The following RAB28 variants were observed in gnomAD, a reference collection of about 807,000 sequenced individuals.
RAB28 encodes the protein ras-related protein Rab-28.
A neutral mutation model predicts 31.7 loss-of-function variants in RAB28; 24 were observed. That is an observed-to-expected ratio of 0.76 (90% CI 0.55 to 1.06). The LOEUF (loss-of-function observed/expected upper bound fraction) is 1.06. RAB28 is among the 50% of genes least tolerant of loss of function. The probability of loss-of-function intolerance (pLI) is 0.00; values close to 1 mark genes in which losing one functional copy is unlikely to be tolerated. For missense variants in RAB28, 254 were observed against 258.5 expected (o/e 0.98, Z 0.12); for synonymous variants, 100 against 90.4 (o/e 1.11, Z -0.60).
At chr4:13,387,757 A>C (rs1040263845) in intron 4 of RAB28, among the ~76,000 whole-genome samples, 12 of 152,090 alleles carry the variant, frequency 7.9e-5, no homozygotes, top group African/African-American at 2.9e-4. Flanking sequence ...TTTCAAAAAA[A>C]ATTTTATTTG....
At chr4:13,417,999 T>C (rs1245841257) in intron 4 of RAB28, among the ~76,000 whole-genome samples, 1 of 152,006 alleles carries the variant, frequency 6.6e-6, no homozygotes, top group East Asian at 1.9e-4. Context: ...GCTAAACACC[T>C]TGAAAAAAGA....
At chr4:13,466,584 C>T (rs1715855316) in intron 3 of RAB28, among the ~76,000 whole-genome samples, 1 of 151,808 alleles carries the variant, frequency 6.6e-6, no homozygotes, top group Admixed American at 6.6e-5. Flanking sequence ...GACCTCTGTA[C>T]ACTCTCAGTG....
intron 1 of RAB28, among the ~76,000 whole-genome samples, chr4:13,481,250 G>A (rs1007867957): frequency 4.6e-5 from 7 of 151,932 alleles, no homozygotes; most frequent in African/African-American, 9.7e-5. Flanking sequence ...AACTGGAATC[G>A]AGTGTAAACT....
chr4:13,379,448 G>C (rs886575869), intron 5 of RAB28, among the ~76,000 whole-genome samples: 2 of 152,068 alleles, frequency 1.3e-5, no homozygotes, highest in African/African-American at 4.8e-5. Context: ...CTGACAAAAT[G>C]AAAGAGGGAA....
intron 5 of RAB28, among the ~76,000 whole-genome samples, chr4:13,377,063 T>C (rs1341241727): frequency 4.6e-5 from 7 of 152,192 alleles, no homozygotes; most frequent in Admixed American, 4.6e-4. Flanking sequence ...TCTTAGTTTC[T>C]AACACTTTAA....
chr4:13,484,187 G>A lies in RAB28; in HGVS notation c.-37C>T. 3 of 1,536,490 alleles carry A rather than the reference G, an allele frequency of 2.0e-6. No homozygotes were observed. The highest frequency in any genetic ancestry group is 1.2e-5 in the South Asian group (1 of 84,524). On this transcript the variant is annotated 5_prime_UTR_variant, in exon 1 of 7. Transcript: ENST00000330852. ...AACCAGGCCCGCCCCTCGAGGTGGGGGGGGAAGGGAAGGATGAAGGCTCCG... is the reference window on the plus strand; with the variant it reads ...AACCAGGCCCGCCCCTCGAGGTGGGAGGGGAAGGGAAGGATGAAGGCTCCG...
intron 3 of RAB28, among the ~76,000 whole-genome samples, chr4:13,461,698 T>C (rs1049078331): frequency 6.6e-6 from 1 of 152,192 alleles, no homozygotes; most frequent in Admixed American, 6.6e-5. Context: ...GAGAAGTATA[T>C]ATGCACACAG....
At chr4:13,467,486 T>G (rs1178201198) in intron 3 of RAB28, among the ~76,000 whole-genome samples, 1 of 151,904 alleles carries the variant, frequency 6.6e-6, no homozygotes, top group Admixed American at 6.6e-5. Flanking sequence ...AGCATATAGA[T>G]AAGTGAGATG....
chr4:13,479,332 G>A (rs1278902180), intron 2 of RAB28, 98 bp downstream of exon 2: 4 of 781,520 alleles, frequency 5.1e-6, no homozygotes, highest in Non-Finnish European at 8.4e-6. Context: ...ACATCTTCAT[G>A]TAGAAGCAGC....
chr4:13,375,060 A>G (rs1433374450), intron 6 of RAB28, among the ~76,000 whole-genome samples: 2 of 151,586 alleles, frequency 1.3e-5, no homozygotes, highest in African/African-American at 4.9e-5. Context: ...CTCCCTTCCC[A>G]CTCCAAACTG....
At chr4:13,415,375 C>T (rs1301105535) in intron 4 of RAB28, among the ~76,000 whole-genome samples, 11 of 152,158 alleles carry the variant, frequency 7.2e-5, no homozygotes, top group Admixed American at 7.2e-4. Flanking sequence ...AGCCGGCTCC[C>T]TCAGCTTGCA....
At chr4:13,467,977 A>G (rs1164910970) in intron 3 of RAB28, among the ~76,000 whole-genome samples, 3 of 151,984 alleles carry the variant, frequency 2.0e-5, no homozygotes, top group African/African-American at 4.8e-5. Flanking sequence ...GAGTAGCTAT[A>G]TAATTTGAGA....
chr4:13,411,833 T>C (rs1249609348), intron 4 of RAB28, among the ~76,000 whole-genome samples: 1 of 151,708 alleles, frequency 6.6e-6, no homozygotes, highest in Non-Finnish European at 1.5e-5. Flanking sequence ...AGACAAATGA[T>C]AGACTGAAAA....
intron 4 of RAB28, among the ~76,000 whole-genome samples, chr4:13,392,023 G>T (rs1729655829): frequency 6.6e-6 from 1 of 151,990 alleles, no homozygotes; most frequent in Non-Finnish European, 1.5e-5. Context: ...TTACCAACAT[G>T]GCAAATGTAT....
At chr4:13,381,719 G>T in intron 4 of RAB28, 125 bp from the exon 5 acceptor site, 1 of 613,162 alleles carries the variant, frequency 1.6e-6, no homozygotes, top group Non-Finnish European at 2.8e-6. Context: ...GTGCAACCTT[G>T]GACAATTTAT....
chr4:13,434,878 G>T (rs56976673), intron 4 of RAB28, among the ~76,000 whole-genome samples: 2,254 of 151,780 alleles, frequency 0.015, 55 homozygotes, highest in African/African-American at 0.053. Flanking sequence ...AATTAGCCAG[G>T]CATGGTGGCA....
intron 4 of RAB28, among the ~76,000 whole-genome samples, chr4:13,446,120 T>C (rs1016995384): frequency 4.6e-5 from 7 of 152,166 alleles, no homozygotes; most frequent in Non-Finnish European, 8.8e-5. Flanking sequence ...CTTTGCTGGC[T>C]GTGGTGAATT....
intron 3 of RAB28, among the ~76,000 whole-genome samples, chr4:13,464,640 A>G (rs917386768): frequency 6.6e-6 from 1 of 152,140 alleles, no homozygotes; most frequent in Admixed American, 6.6e-5. Flanking sequence ...TGAGGCAAAA[A>G]CAAGGATGCT....
At chr4:13,416,424 C>T (rs556909258) in intron 4 of RAB28, among the ~76,000 whole-genome samples, 5 of 152,126 alleles carry the variant, frequency 3.3e-5, no homozygotes, top group Admixed American at 1.3e-4. Context: ...ACACTCACCG[C>T]GAGGGTCCGC....
Sources: allele counts gnomAD v4.1 joint callset (sites outside exome capture counted in the v4.1 genomes callset), GRCh38; gene constraint gnomAD v4.1.1; transcripts MANE v1.5; gene names NCBI Gene and HGNC (gene_info 2026-07-23, HGNC 2026-07-21).